The following SLC7A14 variants were observed in gnomAD, a reference collection of about 807,000 sequenced individuals.
SLC7A14 encodes solute carrier family 7 member 14.
Under a neutral mutation model 60.2 loss-of-function variants are expected in SLC7A14, and 37 were observed. The ratio of observed to expected loss-of-function variants is 0.61; its 90% confidence interval spans 0.47 to 0.81. SLC7A14 has a LOEUF of 0.81. Among genes scored for constraint, SLC7A14 ranks in the 30% least tolerant of loss-of-function variants. The pLI, the probability that SLC7A14 is intolerant of heterozygous loss-of-function variation, is 0.00. For missense variants in SLC7A14, 886 were observed against 982.7 expected (o/e 0.90, Z 1.32); for synonymous variants, 399 against 395.8 (o/e 1.01, Z -0.10).
At chr3:170,541,499 C>T (rs1458289655) in intron 1 of SLC7A14, among the ~76,000 whole-genome samples, 1 of 151,986 alleles carries the variant, frequency 6.6e-6, no homozygotes, top group Non-Finnish European at 1.5e-5. Flanking sequence ...AGAAGGCTGA[C>T]ACAGGAGGAT....
intron 6 of SLC7A14, among the ~76,000 whole-genome samples, chr3:170,482,503 G>T (rs1040118559): frequency 7.9e-5 from 12 of 152,224 alleles, no homozygotes; most frequent in African/African-American, 2.9e-4. Context: ...TTTACTCCTT[G>T]CTTTGTGCAC....
chr3:170,476,479 T>C (rs1711620316), intron 7 of SLC7A14, among the ~76,000 whole-genome samples: 1 of 152,122 alleles, frequency 6.6e-6, no homozygotes, highest in Non-Finnish European at 1.5e-5. Flanking sequence ...AGTCAGCGAG[T>C]AGCAGTTTCT....
At chr3:170,544,894 C>T (rs979703971) in intron 1 of SLC7A14, among the ~76,000 whole-genome samples, 4 of 152,196 alleles carry the variant, frequency 2.6e-5, no homozygotes, top group African/African-American at 9.7e-5. Context: ...AGATTAGGGA[C>T]TGGACTGTAG....
intron 2 of SLC7A14, among the ~76,000 whole-genome samples, chr3:170,509,510 G>A (rs2108284883): frequency 6.6e-6 from 1 of 152,282 alleles, no homozygotes; most frequent in South Asian, 2.1e-4. Context: ...ATAATTTGTT[G>A]ATTAAATGTA....
intron 5 of SLC7A14, among the ~76,000 whole-genome samples, chr3:170,484,104 A>G (rs1315627958): frequency 6.6e-6 from 1 of 152,214 alleles, no homozygotes; most frequent in Non-Finnish European, 1.5e-5. Flanking sequence ...GCTTAGTCCT[A>G]GGATCCAGGC....
chr3:170,529,137 CAG>C (rs1229491162), intron 1 of SLC7A14, among the ~76,000 whole-genome samples: 1 of 152,178 alleles, frequency 6.6e-6, no homozygotes, highest in Non-Finnish European at 1.5e-5. Context: ...GCAGAAAAGT[CAG>C]ACAATATAAA....
intron 1 of SLC7A14, among the ~76,000 whole-genome samples, chr3:170,576,198 C>T (rs186454552): frequency 1.5e-4 from 23 of 152,308 alleles, no homozygotes; most frequent in Middle Eastern, 3.4e-3. Flanking sequence ...ATGTTGCATA[C>T]ATAATTAGTG....
intron 1 of SLC7A14, among the ~76,000 whole-genome samples, chr3:170,568,723 C>G (rs1354094827): frequency 6.6e-6 from 1 of 152,204 alleles, no homozygotes; most frequent in Non-Finnish European, 1.5e-5. Context: ...AGAGTTCCTT[C>G]ACGTCCCTTG....
At chr3:170,543,327 C>T (rs1193631640) in intron 1 of SLC7A14, among the ~76,000 whole-genome samples, 1 of 152,132 alleles carries the variant, frequency 6.6e-6, no homozygotes, top group Non-Finnish European at 1.5e-5. Context: ...TAAAGAGATC[C>T]ATGAGGTCAC....
chr3:170,477,472 C>T (rs1711654588), intron 7 of SLC7A14, among the ~76,000 whole-genome samples: 1 of 152,242 alleles, frequency 6.6e-6, no homozygotes, highest in Non-Finnish European at 1.5e-5. Flanking sequence ...TCAGTTTCCT[C>T]ATCTGTAAAA....
At chr3:170,506,018 T>G (rs1465129353) in intron 2 of SLC7A14, among the ~76,000 whole-genome samples, 1 of 152,250 alleles carries the variant, frequency 6.6e-6, no homozygotes, top group African/African-American at 2.4e-5. Flanking sequence ...ATTTTACATT[T>G]TGTGGTTATC....
chr3:170,555,558 T>C lies in SLC7A14; in HGVS notation c.-152-28470A>G, dbSNP rs565891658. Among the ~76,000 whole-genome samples the C allele has an allele frequency of 8.5e-5, 13 of 152,268 alleles. No homozygotes were observed. In the East Asian group the frequency reaches 2.5e-3, roughly 29 times the overall value. ...CAATTTCATCACTGTGCAAGCCTCA[T>C]AGAGTGTACCCACACAAACCCAGAT... is the stretch of plus-strand genomic sequence containing the variant. On this transcript the variant is annotated intron_variant, in intron 1 of 7. Transcript: ENST00000231706.
intron 2 of SLC7A14, among the ~76,000 whole-genome samples, chr3:170,509,486 G>C (rs190479871): frequency 1.3e-5 from 2 of 152,272 alleles, no homozygotes; most frequent in African/African-American, 2.4e-5. Context: ...CCCAAAACAG[G>C]TCAAGGAAGT....
chr3:170,541,578 A>G (rs1281249570), intron 1 of SLC7A14, among the ~76,000 whole-genome samples: 2 of 152,218 alleles, frequency 1.3e-5, no homozygotes, highest in Non-Finnish European at 2.9e-5. Flanking sequence ...AGTTTGGGTC[A>G]TAGAGCAAGA....
Position 170,481,148 on chromosome 3 carries a change from G to C in SLC7A14, c.1134C>G (p.Ser378Arg). The C allele has an allele frequency of 2.5e-6, 4 of 1,613,336 alleles. No homozygotes were observed. The highest frequency in any genetic ancestry group is 1.1e-5 in the South Asian group (1 of 90,994). ...CCACCACTGGTGTCTCTGTGTAGGA[G>C]CTGACGTGAGCCAGGAACCTGGAGG... ...GLLFRFLAHV[S>R]SYTETPVVAC... The change falls in exon 7 of 8, where the codon AGC becomes AGG. Residue 378 changes from serine to arginine, a missense_variant. Transcript: ENST00000231706.
chr3:170,518,084 A>G (rs540176858), intron 2 of SLC7A14, among the ~76,000 whole-genome samples: 6 of 152,180 alleles, frequency 3.9e-5, no homozygotes, highest in Non-Finnish European at 8.8e-5. Context: ...TAGTTGTGGG[A>G]CTTTCAGGAA....
intron 1 of SLC7A14, among the ~76,000 whole-genome samples, chr3:170,570,991 C>T (rs141397570): frequency 0.012 from 1,896 of 152,198 alleles, 42 homozygotes; most frequent in African/African-American, 0.043. Context: ...CTCACCCCTT[C>T]TTTTATTGTT....
At chr3:170,487,626 A>T (rs1235690742) in intron 4 of SLC7A14, among the ~76,000 whole-genome samples, 1 of 152,218 alleles carries the variant, frequency 6.6e-6, no homozygotes, top group Non-Finnish European at 1.5e-5. Context: ...TAGAACCTGT[A>T]AGGTACATCA....
intron 7 of SLC7A14, among the ~76,000 whole-genome samples, chr3:170,472,494 G>A (rs1259058085): frequency 6.6e-6 from 1 of 152,104 alleles, no homozygotes; most frequent in African/African-American, 2.4e-5. Context: ...GGCCGGGCAC[G>A]GTGGCTCACG....
Sources: gnomAD v4.1 joint callset for allele counts (sites outside exome capture counted in the v4.1 genomes callset) on GRCh38, gnomAD v4.1.1 for gene constraint, MANE v1.5 for transcripts, NCBI Gene and HGNC (gene_info 2026-07-23, HGNC 2026-07-21) for gene names.